RUNX1T1: variants seen among roughly 807,000 people sequenced by gnomAD.
RUNX1T1 encodes protein CBFA2T1.
RUNX1T1 carries 4 observed loss-of-function variants against 62.8 expected under a neutral mutation model. The ratio of observed to expected loss-of-function variants is 0.06; its 90% CI spans 0.03 to 0.15. RUNX1T1 has a LOEUF of 0.15. Among genes scored for constraint, RUNX1T1 ranks in the 10% least tolerant of loss-of-function variants. RUNX1T1 has a pLI of 1.00. For missense variants in RUNX1T1, 508 were observed against 754.3 expected, an observed-to-expected ratio of 0.67 and a Z score of 3.82; for synonymous variants, 291 against 286.0, an observed-to-expected ratio of 1.02 and a Z score of -0.18.
chr8:92,073,982 G>A (rs1834049456), intron 2 of RUNX1T1, among the ~76,000 whole-genome samples: 2 of 152,140 alleles, frequency 1.3e-5, no homozygotes, highest in Non-Finnish European at 1.5e-5. Flanking sequence ...ATAGGTATGA[G>A]CCACCATGCC....
intron 3 of RUNX1T1, 130 bp downstream of exon 4, chr8:92,014,449 C>T: frequency 1.1e-6 from 1 of 891,444 alleles, no homozygotes; most frequent in Non-Finnish European, 1.7e-6. Context: ...ATGAATCAGA[C>T]TTGCACACAA....
chr8:92,053,807 G>A (rs567167967), intron 1 of RUNX1T1, among the ~76,000 whole-genome samples: 1 of 152,158 alleles, frequency 6.6e-6, no homozygotes, highest in East Asian at 1.9e-4. Context: ...TTTGCTGATT[G>A]CATACTCTAT....
chr8:92,041,140 A>T (rs1246358101), intron 1 of RUNX1T1, among the ~76,000 whole-genome samples: 1 of 152,156 alleles, frequency 6.6e-6, no homozygotes, highest in Non-Finnish European at 1.5e-5. Flanking sequence ...TCTTATTCAT[A>T]TTACCATTTT....
chr8:92,016,595 A>G (rs1823049401), intron 2 of RUNX1T1, among the ~76,000 whole-genome samples: 1 of 152,096 alleles, frequency 6.6e-6, no homozygotes, highest in Non-Finnish European at 1.5e-5. Flanking sequence ...GAATCGCTTG[A>G]ACTTGGGAGG....
intron 5 of RUNX1T1, among the ~76,000 whole-genome samples, chr8:92,002,130 G>C (rs536708558): frequency 6.6e-6 from 1 of 152,046 alleles, no homozygotes; most frequent in East Asian, 1.9e-4. Flanking sequence ...TATTAACAAA[G>C]AATAGAAATC....
At chr8:92,071,657 GGACA>G (rs1332309997) in intron 2 of RUNX1T1, among the ~76,000 whole-genome samples, 1 of 152,152 alleles carries the variant, frequency 6.6e-6, no homozygotes, top group African/African-American at 2.4e-5. Context: ...TGACGCTGGC[GGACA>G]GACAGGGCTG....
chr8:92,024,825 T>G (rs1456868954), intron 1 of RUNX1T1, among the ~76,000 whole-genome samples: 2 of 152,188 alleles, frequency 1.3e-5, no homozygotes, highest in Non-Finnish European at 2.9e-5. Context: ...TTTTCAAATT[T>G]TCACTTTATA....
rs938920450 is a variant in RUNX1T1, at chr8:92,093,309, G to GT, written c.-86+6270dup. Among the ~76,000 whole-genome samples the GT allele has an allele frequency of 6.4e-4, 94 of 147,660 alleles. 1 individual carries two copies. In the Middle Eastern group the frequency reaches 0.017, roughly 27 times the overall value. On this transcript the variant is annotated intron_variant, in intron 1 of 11. Coordinates refer to the RUNX1T1 transcript ENST00000265814. Reference sequence around the variant, plus strand: ...ATAAAAATATGTTAAGTCCCTTCTGGTTTTTTTTTTCATATTCACTCTCTG... The same window carrying GT: ...ATAAAAATATGTTAAGTCCCTTCTGGTTTTTTTTTTTCATATTCACTCTCTG...
intron 1 of RUNX1T1, among the ~76,000 whole-genome samples, chr8:92,020,893 T>C (rs1355231007): frequency 6.6e-6 from 1 of 152,026 alleles, no homozygotes; most frequent in African/African-American, 2.4e-5. Flanking sequence ...TACTTTACTT[T>C]TAGTTAGTTC....
chr8:92,097,422 T>C (rs1837834162), intron 1 of RUNX1T1, among the ~76,000 whole-genome samples: 1 of 152,160 alleles, frequency 6.6e-6, no homozygotes, highest in East Asian at 1.9e-4. Flanking sequence ...CTAGCTATTC[T>C]AGAAAAATGC....
At chr8:92,089,693 C>T (rs1836678744) in intron 1 of RUNX1T1, among the ~76,000 whole-genome samples, 1 of 152,018 alleles carries the variant, frequency 6.6e-6, no homozygotes, top group African/African-American at 2.4e-5. Flanking sequence ...GTTCCCTCCT[C>T]ACTACATAAA....
exon 2 of RUNX1T1, chr8:92,017,280 G>T: frequency 6.2e-7 from 1 of 1,614,044 alleles, no homozygotes; most frequent in Non-Finnish European, 8.5e-7. Flanking sequence ...GTTGGGGGAG[G>T]TGGCATTGTT....
intron 10 of RUNX1T1, among the ~76,000 whole-genome samples, chr8:91,966,802 A>G (rs763499700): frequency 2.0e-5 from 3 of 152,240 alleles, no homozygotes; most frequent in Non-Finnish European, 4.4e-5. Flanking sequence ...CCGCAAGTCC[A>G]GTGTCATTCT....
intron 1 of RUNX1T1, among the ~76,000 whole-genome samples, chr8:92,039,633 T>A (rs1828068923): frequency 1.3e-5 from 2 of 152,194 alleles, no homozygotes; most frequent in Admixed American, 1.3e-4. Flanking sequence ...CCATTGAGTA[T>A]CTCTGCACTA....
At chr8:91,981,016 A>C (rs2130766418) in intron 8 of RUNX1T1, among the ~76,000 whole-genome samples, 1 of 152,200 alleles carries the variant, frequency 6.6e-6, no homozygotes, top group Admixed American at 6.5e-5. Context: ...AACAGCTAAG[A>C]CATAACACTT....
At chr8:91,983,714 T>G (rs1352741076) in intron 8 of RUNX1T1, among the ~76,000 whole-genome samples, 1 of 152,208 alleles carries the variant, frequency 6.6e-6, no homozygotes, top group African/African-American at 2.4e-5. Context: ...CTCCAATCCT[T>G]TCATTACACA....
intron 6 of RUNX1T1, among the ~76,000 whole-genome samples, chr8:91,989,684 G>A (rs756878763): frequency 1.1e-4 from 17 of 152,134 alleles, no homozygotes; most frequent in Non-Finnish European, 1.8e-4. Context: ...TGGTCTCACC[G>A]TGACCTGAAG....
chr8:92,039,031 C>T (rs1412301131), intron 1 of RUNX1T1, among the ~76,000 whole-genome samples: 1 of 152,144 alleles, frequency 6.6e-6, no homozygotes, highest in Admixed American at 6.5e-5. Context: ...AAGGGCAGAC[C>T]TCAGGGGCTC....
At chr8:92,088,544 G>A (rs1266909139) in intron 1 of RUNX1T1, among the ~76,000 whole-genome samples, 3 of 152,162 alleles carry the variant, frequency 2.0e-5, no homozygotes, top group Non-Finnish European at 4.4e-5. Flanking sequence ...ATACAGCTGT[G>A]CTATTTCCCT....
Sources: allele counts gnomAD v4.1 joint callset (sites outside exome capture counted in the v4.1 genomes callset), GRCh38; gene constraint gnomAD v4.1.1; transcripts MANE v1.5; gene names NCBI Gene and HGNC (gene_info 2026-07-23, HGNC 2026-07-21).